HFM1: variants seen among roughly 807,000 people sequenced by gnomAD.
HFM1 encodes probable ATP-dependent DNA helicase HFM1.
A neutral mutation model predicts 192.1 loss-of-function variants in HFM1; 169 were observed. The observed-to-expected ratio is 0.88, with a 90% CI of 0.78 to 1.00. The LOEUF is 1.00. HFM1 is among the 50% of genes least tolerant of loss of function. The probability of loss-of-function intolerance (pLI) is 0.00; values close to 1 mark genes in which losing one functional copy is unlikely to be tolerated. For missense variants in HFM1, 1,661 were observed against 1,668.0 expected, an observed-to-expected ratio of 1.00 and a Z score of 0.07; for synonymous variants, 525 against 537.8, an observed-to-expected ratio of 0.98 and a Z score of 0.33.
chr1:91,361,303 T>C (rs1658474220), intron 13 of HFM1, among the ~76,000 whole-genome samples: 1 of 150,976 alleles, frequency 6.6e-6, no homozygotes, highest in Non-Finnish European at 1.5e-5. Flanking sequence ...TATAGACTGC[T>C]AGCTAGACTA....
intron 13 of HFM1, among the ~76,000 whole-genome samples, chr1:91,373,900 CAT>C (rs1207231287): frequency 6.6e-6 from 1 of 152,112 alleles, no homozygotes; most frequent in East Asian, 1.9e-4. Flanking sequence ...GCAGGATGAA[CAT>C]GAGTCCCCCT....
chr1:91,343,961 T>C (rs1358020321), intron 19 of HFM1, among the ~76,000 whole-genome samples: 1 of 152,236 alleles, frequency 6.6e-6, no homozygotes, highest in Non-Finnish European at 1.5e-5. Context: ...TTCTTTAAAC[T>C]TCTATCAAAG....
At chr1:91,396,254 G>A (rs1663641642) in intron 3 of HFM1, 39 bp downstream of exon 3, 2 of 991,950 alleles carry the variant, frequency 2.0e-6, no homozygotes, top group Admixed American at 1.9e-5. Context: ...GCCATGAACT[G>A]TATGGGTTTG....
intron 31 of HFM1, 74 bp from the exon 32 acceptor site, chr1:91,276,817 T>G: frequency 1.1e-6 from 1 of 872,826 alleles, no homozygotes; most frequent in Non-Finnish European, 1.7e-6. Flanking sequence ...TTCTTTAAAA[T>G]TTCAAATCTA....
intron 2 of HFM1, among the ~76,000 whole-genome samples, chr1:91,399,157 T>TATTC (rs141637647): frequency 0.018 from 2,721 of 152,318 alleles, 38 homozygotes; most frequent in Non-Finnish European, 0.029. Flanking sequence ...CTAGAGCTTA[T>TATTC]ATTCAAAGGC....
chr1:91,314,242 T>C (rs1222596001), intron 28 of HFM1, among the ~76,000 whole-genome samples, 182 bp from the exon 29 acceptor site: 1 of 152,186 alleles, frequency 6.6e-6, no homozygotes, highest in Non-Finnish European at 1.5e-5. Context: ...CTCTTGACCA[T>C]GATTTTTAAA....
chr1:91,368,302 C>A (rs1343328847), intron 13 of HFM1, among the ~76,000 whole-genome samples: 8 of 152,122 alleles, frequency 5.3e-5, no homozygotes, highest in South Asian at 2.1e-4. Context: ...TTGTCAGATT[C>A]ACCAAAGTTG....
chr1:91,306,000 G>C (rs1372125681), intron 30 of HFM1, among the ~76,000 whole-genome samples: 1 of 152,104 alleles, frequency 6.6e-6, no homozygotes, highest in Non-Finnish European at 1.5e-5. Flanking sequence ...TTACTATCGA[G>C]TATGACATTT....
At chr1:91,338,213 A>G (rs1041131353) in intron 20 of HFM1, among the ~76,000 whole-genome samples, 1 of 152,190 alleles carries the variant, frequency 6.6e-6, no homozygotes, top group Admixed American at 6.5e-5. Context: ...AATGGCAGGG[A>G]CAGGACTCCA....
At chr1:91,326,669 T>C (rs1652958681) in intron 20 of HFM1, among the ~76,000 whole-genome samples, 2 of 152,222 alleles carry the variant, frequency 1.3e-5, no homozygotes, top group Admixed American at 1.3e-4. Flanking sequence ...AGAAAATCAT[T>C]TGAAAGTACA....
At chr1:91,311,226 T>C (rs147435459) in intron 30 of HFM1, among the ~76,000 whole-genome samples, 11 of 152,288 alleles carry the variant, frequency 7.2e-5, no homozygotes, top group African/African-American at 9.6e-5. Context: ...CCCAAGAGAT[T>C]TGTGGAACTT....
At chr1:91,285,268 T>C (rs1667848268) in intron 30 of HFM1, among the ~76,000 whole-genome samples, 1 of 152,206 alleles carries the variant, frequency 6.6e-6, no homozygotes, top group Non-Finnish European at 1.5e-5. Context: ...AATTTTTCAT[T>C]ATTTTATATT....
chr1:91,392,171 T>C (rs1663079499), intron 4 of HFM1, among the ~76,000 whole-genome samples: 1 of 151,874 alleles, frequency 6.6e-6, no homozygotes, highest in Admixed American at 6.6e-5. Flanking sequence ...AGTTCAACCA[T>C]TGTGGAAGAC....
chr1:91,366,784 G>A (rs1369235282), intron 13 of HFM1, among the ~76,000 whole-genome samples: 2 of 152,190 alleles, frequency 1.3e-5, no homozygotes, highest in African/African-American at 4.8e-5. Flanking sequence ...GCAGTGCACC[G>A]AGCTTGAGCT....
intron 28 of HFM1, among the ~76,000 whole-genome samples, chr1:91,314,738 C>T (rs1195350746): frequency 6.6e-6 from 1 of 152,138 alleles, no homozygotes; most frequent in Non-Finnish European, 1.5e-5. Flanking sequence ...TGGTTTGTAT[C>T]TAATAACATC....
At chr1:91,286,074 A>C (rs1667941543) in intron 30 of HFM1, among the ~76,000 whole-genome samples, 1 of 152,206 alleles carries the variant, frequency 6.6e-6, no homozygotes, top group African/African-American at 2.4e-5. Context: ...TTAAGTGAAA[A>C]GGTGAAAGTT....
intron 23 of HFM1, among the ~76,000 whole-genome samples, chr1:91,320,852 G>A (rs1340382157): frequency 6.6e-6 from 1 of 152,088 alleles, no homozygotes; most frequent in Non-Finnish European, 1.5e-5. Flanking sequence ...AACTAACAGG[G>A]GCAGAGTTAC....
At chr1:91,283,986 CTTTT>C in intron 30 of HFM1, among the ~76,000 whole-genome samples, 1 of 151,882 alleles carries the variant, frequency 6.6e-6, no homozygotes, top group South Asian at 2.1e-4. Flanking sequence ...CATGGTTTTA[CTTTT>C]TTTAATGATG....
intron 30 of HFM1, 149 bp from the exon 31 acceptor site, chr1:91,277,211 ATT>A: frequency 4.7e-6 from 2 of 429,950 alleles, no homozygotes; most frequent in East Asian, 8.4e-5. Flanking sequence ...AATCCACGTA[ATT>A]TTTTTTTTAA....
Sources: gnomAD v4.1 joint callset for allele counts (sites outside exome capture counted in the v4.1 genomes callset) on GRCh38, gnomAD v4.1.1 for gene constraint, MANE v1.5 for transcripts, NCBI Gene and HGNC (gene_info 2026-07-23, HGNC 2026-07-21) for gene names.